The following LY75 variants were observed in gnomAD, a reference collection of about 807,000 sequenced individuals.
LY75 encodes the protein lymphocyte antigen 75.
LY75 carries 185 observed loss-of-function variants against 231.7 expected under a neutral mutation model. The ratio of observed to expected loss-of-function variants is 0.80; its 90% CI spans 0.71 to 0.90. The LOEUF is 0.90. LY75 is among the 40% of genes least tolerant of loss of function. The pLI, the probability that LY75 is intolerant of heterozygous loss-of-function variation, is 0.00. For missense variants in LY75, 1,947 were observed against 2,050.2 expected, an observed-to-expected ratio of 0.95 and a Z score of 0.97; for synonymous variants, 668 against 689.0, an observed-to-expected ratio of 0.97 and a Z score of 0.48.
intron 25 of LY75, among the ~76,000 whole-genome samples, chr2:159,838,238 T>A (rs1416725289): frequency 2.6e-5 from 4 of 152,230 alleles, no homozygotes; most frequent in African/African-American, 9.6e-5. Context: ...TGTAAAGTAT[T>A]TATTAACATC....
intron 13 of LY75, among the ~76,000 whole-genome samples, chr2:159,867,477 C>A (rs1302981069): frequency 3.3e-5 from 5 of 151,954 alleles, no homozygotes; most frequent in African/African-American, 1.2e-4. Flanking sequence ...ACTGAGATTC[C>A]CTCTCTCTCT....
rs1296010751 is a variant in LY75 at position 159,898,751 on chromosome 2, T to G, written c.403A>C (p.Asn135His). 6.2e-7 allele frequency: 1 copy of G among 1,613,942 alleles called. No individual in the cohort carries two copies. The highest frequency in any genetic ancestry group is 1.3e-5 in the African/African-American group (1 of 74,910). ...CCTTTCTTCCAGACATCAGATGCAT[T>G]TGAGATTGCTGTGCCATGTCCATCC... ...LKDGHGTAIS[N>H]ASDVWKKGGS... is the part of the protein sequence containing the mutation. Residue 135 changes from asparagine to histidine, a missense_variant, in exon 2 of 35, where the codon AAT (asparagine) becomes CAT (histidine). Asn to His is a moderately conservative substitution (Grantham distance 68). Coordinates refer to ENST00000263636, the MANE Select transcript of LY75 (RefSeq NM_002349.4).
At position 159,870,595 on chromosome 2, in the gene LY75, C is replaced by G. The variant is rs1684981993; in HGVS notation, c.2117+1856G>C. On this transcript the variant is annotated intron_variant, in intron 13 of 34. Transcript: ENST00000263636. The stretch of plus-strand genomic sequence containing the variant: ...TCTTGTCTCACTGTATCCTTGAACT[C>G]CTGGGCTCAAGTGATCCTCCTGACT... Among the ~76,000 whole-genome samples, 3 of 152,110 alleles carry G rather than the reference C, an allele frequency of 2.0e-5. No homozygotes were observed. In the South Asian group the frequency reaches 6.2e-4, roughly 31 times the overall value.
chr2:159,836,377 C>A (rs1363711549), intron 25 of LY75, among the ~76,000 whole-genome samples: 1 of 152,154 alleles, frequency 6.6e-6, no homozygotes, highest in African/African-American at 2.4e-5. Context: ...GAAGCTTCTT[C>A]ATTCACTAGA....
intron 31 of LY75, 95 bp downstream of exon 31, chr2:159,815,310 A>G: frequency 6.9e-7 from 1 of 1,443,542 alleles, no homozygotes; most frequent in Middle Eastern, 2.2e-4. Context: ...CCTTGTGAAT[A>G]AATCTTTAAA....
chr2:159,852,688 G>A (rs969667973), intron 20 of LY75, among the ~76,000 whole-genome samples: 1 of 152,046 alleles, frequency 6.6e-6, no homozygotes, highest in Non-Finnish European at 1.5e-5. Flanking sequence ...CAAAGTGCTG[G>A]GATTACAGGC....
intron 8 of LY75, among the ~76,000 whole-genome samples, chr2:159,879,703 A>G (rs949667437): frequency 6.6e-6 from 1 of 152,168 alleles, no homozygotes; most frequent in Non-Finnish European, 1.5e-5. Flanking sequence ...TCTAGACTAG[A>G]ATGGCATAGC....
At chr2:159,868,415 A>G (rs988533675) in intron 13 of LY75, among the ~76,000 whole-genome samples, 6 of 152,194 alleles carry the variant, frequency 3.9e-5, no homozygotes, top group Non-Finnish European at 8.8e-5. Flanking sequence ...GTAAGTAAAC[A>G]GAAAGGGTTT....
At chr2:159,819,326 C>T (rs555390610) in intron 29 of LY75, among the ~76,000 whole-genome samples, 63 of 152,240 alleles carry the variant, frequency 4.1e-4, no homozygotes, top group African/African-American at 1.5e-3. Flanking sequence ...AAACTCGTTC[C>T]CCAAACACTT....
chr2:159,872,591 T>C lies in LY75; in HGVS notation c.1977A>G (p.Val659=). The C allele has an allele frequency of 6.2e-7, 1 of 1,611,502 alleles. No homozygotes were observed. The highest frequency in any genetic ancestry group is 8.5e-7 in the Non-Finnish European group (1 of 1,179,216). Residue 659 remains valine, a splice_region_variant and synonymous_variant, in exon 13 of 35, where the codon GTA becomes GTG. Coordinates refer to ENST00000263636, the MANE Select transcript of LY75 (RefSeq NM_002349.4). ...SFPASLSCYK[V]FHAERIVRKR... is the part of the protein sequence containing the mutation. ...TTCTTACAATTCTTTCTGCATGGAATACCTTAGCAAAATATAATATTAATT... is the reference window on the plus strand; with the variant it reads ...TTCTTACAATTCTTTCTGCATGGAACACCTTAGCAAAATATAATATTAATT...
rs1217972797 is a variant in LY75 at position 159,875,014 on chromosome 2, A to T, written c.1974+430T>A. On this transcript the variant is annotated intron_variant, in intron 12 of 34. Transcript: ENST00000263636. Reference sequence around the variant, plus strand: ...TTATAAATATATATATTGTATATATAAATATATATATTTGTATATATACAC... The same window carrying T: ...TTATAAATATATATATTGTATATATTAATATATATATTTGTATATATACAC... Among the ~76,000 whole-genome samples, 12 of 144,806 alleles carry T rather than the reference A, an allele frequency of 8.3e-5. No individual in the cohort carries two copies. In the South Asian group the frequency reaches 2.3e-3, roughly 28 times the overall value. 95.0% of individuals were successfully genotyped at this position (144,806 alleles called of 152,430 possible). A position where few individuals can be genotyped will look rare whatever the true frequency, so the allele number is the denominator to read the frequency against.
chr2:159,867,640 A>G (rs1242489596), intron 13 of LY75, among the ~76,000 whole-genome samples: 1 of 152,232 alleles, frequency 6.6e-6, no homozygotes, highest in African/African-American at 2.4e-5. Flanking sequence ...GGAAAACAGT[A>G]TCTCAGCCAT....
At chr2:159,866,174 C>G in intron 13 of LY75, among the ~76,000 whole-genome samples, 1 of 151,974 alleles carries the variant, frequency 6.6e-6, no homozygotes, top group East Asian at 1.9e-4. Context: ...CTCTCAAGTT[C>G]AGCAGAATAT....
intron 2 of LY75, among the ~76,000 whole-genome samples, chr2:159,898,093 C>T (rs780423445): frequency 2.6e-4 from 39 of 151,748 alleles, no homozygotes; most frequent in Non-Finnish European, 5.2e-4. Context: ...ATATATTTTT[C>T]CTCCTTCTCC....
In LY75 at chr2:159,878,295, A is replaced by T. The variant is rs781770687; in HGVS notation, c.1774+29T>A. On this transcript the variant is annotated intron_variant, in intron 11 of 34. Transcript: ENST00000263636. Reference sequence around the variant, plus strand: ...TGCTGCCTTTCACTAGTCACAGTATACTACTACTTCAAAGATTAAGACACT... The same window carrying T: ...TGCTGCCTTTCACTAGTCACAGTATTCTACTACTTCAAAGATTAAGACACT... 2.5e-6 allele frequency: 4 copies of T among 1,609,062 alleles called. No homozygotes were observed. In the Admixed American group the frequency reaches 6.7e-5, roughly 27 times the overall value.
At chr2:159,891,609 C>T (rs1280297227) in intron 3 of LY75, among the ~76,000 whole-genome samples, 1 of 152,124 alleles carries the variant, frequency 6.6e-6, no homozygotes, top group East Asian at 1.9e-4. Context: ...CATATGCATG[C>T]ATTAACACCA....
intron 11 of LY75, among the ~76,000 whole-genome samples, chr2:159,876,000 C>T (rs1302160394): frequency 2.0e-5 from 3 of 152,096 alleles, no homozygotes; most frequent in African/African-American, 7.2e-5. Context: ...ACTACTGCTG[C>T]TTAGGATAGT....
chr2:159,842,862 T>G (rs1329134573), intron 23 of LY75, among the ~76,000 whole-genome samples: 1 of 152,064 alleles, frequency 6.6e-6, no homozygotes, highest in East Asian at 1.9e-4. Flanking sequence ...TATGAAAATT[T>G]ATTCCAAGTA....
chr2:159,881,298 C>T (rs925352240), intron 7 of LY75, 58 bp from the exon 8 acceptor site: 10 of 1,502,728 alleles, frequency 6.7e-6, no homozygotes, highest in South Asian at 1.4e-5. Context: ...GTAATATGTA[C>T]ATTGTTATAC....
Sources: allele counts gnomAD v4.1 joint callset (sites outside exome capture counted in the v4.1 genomes callset), GRCh38; gene constraint gnomAD v4.1.1; transcripts MANE v1.5; gene names NCBI Gene and HGNC (gene_info 2026-07-23, HGNC 2026-07-21).